The following EEA1 variants were observed in gnomAD, a reference collection of about 807,000 sequenced individuals.
EEA1 encodes early endosome antigen 1, 162kD.
EEA1 carries 111 observed loss-of-function variants against 209.2 expected under a neutral mutation model. The ratio of observed to expected loss-of-function variants is 0.53; its 90% CI spans 0.45 to 0.62. The LOEUF is 0.62. Among genes scored for constraint, EEA1 ranks in the 20% least tolerant of loss-of-function variants. The probability of loss-of-function intolerance (pLI) is 0.00; values close to 1 mark genes in which losing one functional copy is unlikely to be tolerated. For synonymous variants in EEA1, 536 were observed against 540.6 expected, an observed-to-expected ratio of 0.99 and a Z score of 0.12; for missense variants, 1,343 against 1,530.8, an observed-to-expected ratio of 0.88 and a Z score of 2.05.
Position 92,886,451 on chromosome 12 carries a change from G to A in EEA1, c.117+5178C>T, listed in dbSNP as rs1453190421. Among the ~76,000 whole-genome samples, 3 of 78,384 alleles carry A rather than the reference G, an allele frequency of 3.8e-5. No homozygotes were observed. The South Asian group carries it at 1.8e-3, about 46-fold the overall frequency. The allele number at this position is 78,384 out of a possible 152,430, so 51.4% of individuals were successfully genotyped here. On this transcript the variant is annotated intron_variant, in intron 2 of 28. Coordinates refer to ENST00000322349, the MANE Select transcript of EEA1 (RefSeq NM_003566.4). ...AAGGGAAGAGAAAGGAACGCCAGGA[G>A]GGGACTGGAGGGGAGAGGAGGGGAA... is the stretch of plus-strand genomic sequence containing the variant.
intron 21 of EEA1, among the ~76,000 whole-genome samples, chr12:92,791,394 A>G (rs1312628416): frequency 2.0e-5 from 3 of 152,170 alleles, no homozygotes; most frequent in African/African-American, 7.2e-5. Context: ...ACATGCAAAG[A>G]CGCATATAGG....
chr12:92,811,378 C>G lies in EEA1; in HGVS notation c.2100G>C (p.Lys700Asn), dbSNP rs768591280. The change falls in exon 17 of 29, where the codon AAG (lysine) becomes AAC (asparagine). Residue 700 changes from lysine to asparagine, a missense_variant. Lys to Asn is a moderately conservative substitution (Grantham distance 94, BLOSUM62 0). Around this residue, in one of 3 missense-constraint regions of EEA1, gnomAD observed 1,307 missense variants for 1,465.5 expected, o/e 0.89. Coordinates refer to ENST00000322349, the MANE Select transcript of EEA1 (RefSeq NM_003566.4). ...TTTCCAGCTGACTGCAATGTTCTTG[C>G]TTGTCTTGTAACTTTGCAGTGACCT... The part of the protein sequence containing the change: ...LDQVTAKLQD[K>N]QEHCSQLESH... 1.9e-6 allele frequency: 3 copies of G among 1,604,976 alleles called. No homozygotes were observed. The highest frequency in any genetic ancestry group is 3.4e-5 in the Admixed American group (2 of 59,182).
chr12:92,845,627 T>C (rs1017267030), intron 9 of EEA1, among the ~76,000 whole-genome samples: 1 of 152,148 alleles, frequency 6.6e-6, no homozygotes, highest in Non-Finnish European at 1.5e-5. Flanking sequence ...CCGACAACTC[T>C]AAAACTGTTC....
intron 21 of EEA1, among the ~76,000 whole-genome samples, chr12:92,789,690 G>C (rs1379457109): frequency 6.6e-6 from 1 of 152,204 alleles, no homozygotes; most frequent in Non-Finnish European, 1.5e-5. Flanking sequence ...TCTGGGGGCA[G>C]GGCATAGCTA....
At chr12:92,829,536 T>C (rs1034070968) in intron 11 of EEA1, among the ~76,000 whole-genome samples, 5 of 151,940 alleles carry the variant, frequency 3.3e-5, no homozygotes, top group Non-Finnish European at 7.4e-5. Flanking sequence ...CCTAGCACTT[T>C]GGGAGGCTGA....
At chr12:92,827,568 A>T (rs1876374813) in intron 12 of EEA1, among the ~76,000 whole-genome samples, 1 of 152,178 alleles carries the variant, frequency 6.6e-6, no homozygotes, top group South Asian at 2.1e-4. Context: ...TACCAACTAC[A>T]TGTCATTAAC....
intron 10 of EEA1, among the ~76,000 whole-genome samples, chr12:92,838,239 C>T (rs909439520): frequency 6.6e-6 from 1 of 152,136 alleles, no homozygotes; most frequent in Non-Finnish European, 1.5e-5. Context: ...TACATACACA[C>T]AACACACACA....
chr12:92,876,633 G>C (rs531648351), intron 2 of EEA1, among the ~76,000 whole-genome samples: 1 of 152,158 alleles, frequency 6.6e-6, no homozygotes, highest in East Asian at 1.9e-4. Flanking sequence ...AAGCTACCAA[G>C]TCTGTGGTAT....
intron 21 of EEA1, among the ~76,000 whole-genome samples, chr12:92,794,389 C>G (rs1352290889): frequency 6.6e-6 from 1 of 152,038 alleles, no homozygotes; most frequent in Non-Finnish European, 1.5e-5. Context: ...GGTAAATATC[C>G]AAAGGATTAT....
chr12:92,901,166 A>G (rs1481853734), intron 1 of EEA1, among the ~76,000 whole-genome samples: 3 of 152,168 alleles, frequency 2.0e-5, no homozygotes, highest in African/African-American at 4.8e-5. Flanking sequence ...ATGGCTTTTC[A>G]CCAAGGTTTT....
intron 2 of EEA1, among the ~76,000 whole-genome samples, chr12:92,871,647 G>A (rs540850202): frequency 5.9e-4 from 90 of 152,222 alleles, no homozygotes; most frequent in African/African-American, 2.1e-3. Context: ...GTATACGTAA[G>A]GAAAATTTTC....
chr12:92,863,308 T>C (rs566635021), intron 3 of EEA1, among the ~76,000 whole-genome samples: 17 of 152,198 alleles, frequency 1.1e-4, no homozygotes, highest in Non-Finnish European at 2.5e-4. Flanking sequence ...CTTTATCCAA[T>C]AGAATGGCAG....
At chr12:92,839,312 C>G (rs1039662092) in intron 10 of EEA1, among the ~76,000 whole-genome samples, 3 of 152,084 alleles carry the variant, frequency 2.0e-5, no homozygotes, top group South Asian at 2.1e-4. Flanking sequence ...TTTAATGTTA[C>G]AGTGTACAAA....
chr12:92,777,704 T>C (rs766152722), intron 26 of EEA1, 41 bp from the exon 27 acceptor site: 1 of 1,585,756 alleles, frequency 6.3e-7, no homozygotes, highest in Non-Finnish European at 8.6e-7. Flanking sequence ...TTTTAGAAAA[T>C]CATTTAAAGA....
rs559245314 is a variant in EEA1 at position 92,894,987 on chromosome 12, T to G, written c.25-3266A>C. Among the ~76,000 whole-genome samples the G allele has an allele frequency of 4.0e-4, 61 of 152,340 alleles. 1 individual carries two copies. Among genetic ancestry groups the G allele is most frequent in the South Asian group, 1.9e-3 (9 of 4,832 alleles). Reference sequence around the variant, plus strand: ...TCTTGTTAGGGGTTAATGCAGCTGATGACTTTTAAGTTCAAGCCAATGATC... The same window carrying G: ...TCTTGTTAGGGGTTAATGCAGCTGAGGACTTTTAAGTTCAAGCCAATGATC... On this transcript the variant is annotated intron_variant, in intron 1 of 28. Coordinates refer to ENST00000322349, the MANE Select transcript of EEA1 (RefSeq NM_003566.4).
chr12:92,837,441 G>A (rs1876979980), intron 10 of EEA1, among the ~76,000 whole-genome samples: 1 of 152,082 alleles, frequency 6.6e-6, no homozygotes, highest in African/African-American at 2.4e-5. Flanking sequence ...CTCCCACTTT[G>A]GCATGTGAGC....
intron 2 of EEA1, among the ~76,000 whole-genome samples, chr12:92,887,049 ACTT>A (rs947839308): frequency 2.0e-5 from 3 of 152,062 alleles, no homozygotes; most frequent in African/African-American, 4.8e-5. Flanking sequence ...AAAAGAAAGA[ACTT>A]CTAGGAATGA....
Position 92,801,708 on chromosome 12 carries a change from A to G in EEA1, c.2671-7T>C. 1 of 1,549,550 alleles carries G rather than the reference A, an allele frequency of 6.5e-7. No homozygotes were observed. Among genetic ancestry groups the G allele is most frequent in the East Asian group, 2.3e-5 (1 of 43,718 alleles). On this transcript the variant is annotated splice_region_variant and splice_polypyrimidine_tract_variant and intron_variant, in intron 19 of 28. Coordinates refer to ENST00000322349, the MANE Select transcript of EEA1 (RefSeq NM_003566.4). ...ATTCTTTGCAAGTTTTTTCCTTAAA[A>G]AAAATGAAAACTATATTACATAAAA...
chr12:92,795,424 C>T (rs948013791), intron 21 of EEA1, among the ~76,000 whole-genome samples: 4 of 152,156 alleles, frequency 2.6e-5, no homozygotes, highest in African/African-American at 2.4e-5. Flanking sequence ...CTGTTTTATT[C>T]GCAGCTGTGT....
Sources: gnomAD v4.1 joint callset for allele counts (sites outside exome capture counted in the v4.1 genomes callset) on GRCh38, gnomAD v4.1.1 for gene constraint, gnomAD v4.1.1 regional missense constraint, MANE v1.5 for transcripts, NCBI Gene and HGNC (gene_info 2026-07-23, HGNC 2026-07-21) for gene names.